Variants in CDH13 observed in about 807,000 individuals in gnomAD.
CDH13 encodes the protein cadherin 13.
Under a neutral mutation model 63.8 loss-of-function variants are expected in CDH13, and 24 were observed. The observed-to-expected ratio is 0.38, with a 90% CI of 0.27 to 0.53. CDH13 has a LOEUF of 0.53. Among genes scored for constraint, CDH13 ranks in the 20% least tolerant of loss-of-function variants. The pLI is 0.85. For missense variants in CDH13, 1,049 were observed against 903.1 expected, an observed-to-expected ratio of 1.16 and a Z score of -2.07; for synonymous variants, 503 against 355.3, an observed-to-expected ratio of 1.42 and a Z score of -4.67.
chr16:83,434,871 GTGTGTGTGTGTA>G (rs1284400507), intron 6 of CDH13, among the ~76,000 whole-genome samples: 8 of 73,966 alleles, frequency 1.1e-4, no homozygotes, highest in African/African-American at 3.5e-4. Context: ...GTGTGTGTGT[GTGTGTGTGTGTA>G]TGTGTATTTA....
At chr16:82,890,634 G>A (rs1485465815) in intron 2 of CDH13, among the ~76,000 whole-genome samples, 1 of 149,212 alleles carries the variant, frequency 6.7e-6, no homozygotes, top group East Asian at 2.0e-4. Context: ...ACTATAAATT[G>A]AGCATGAGAG....
chr16:82,771,375 A>G (rs2035256148), intron 1 of CDH13, among the ~76,000 whole-genome samples: 1 of 152,196 alleles, frequency 6.6e-6, no homozygotes, highest in African/African-American at 2.4e-5. Flanking sequence ...CTTAGAAAGG[A>G]TATATTAAAT....
At chr16:83,348,245 C>A (rs904239475) in intron 6 of CDH13, among the ~76,000 whole-genome samples, 3 of 152,134 alleles carry the variant, frequency 2.0e-5, no homozygotes, top group African/African-American at 7.2e-5. Flanking sequence ...CTCTTGTTTC[C>A]ATGTTTTACA....
chr16:83,306,814 G>C (rs1360538309), intron 5 of CDH13, among the ~76,000 whole-genome samples: 1 of 152,048 alleles, frequency 6.6e-6, no homozygotes, highest in Non-Finnish European at 1.5e-5. Flanking sequence ...TTTGAAGCTG[G>C]GAAGCACATG....
chr16:82,925,821 C>G (rs2042286654), intron 2 of CDH13: 1 of 152,214 alleles, frequency 6.6e-6, no homozygotes, highest in African/African-American at 2.4e-5. Flanking sequence ...GGCTCCAGGT[C>G]TCCTACCACC....
At chr16:82,876,793 C>T (rs999433953) in intron 2 of CDH13, among the ~76,000 whole-genome samples, 2 of 152,172 alleles carry the variant, frequency 1.3e-5, no homozygotes, top group African/African-American at 4.8e-5. Context: ...ATTCCCTAAA[C>T]TAGGGACTGT....
intron 11 of CDH13, among the ~76,000 whole-genome samples, chr16:83,779,123 A>G (rs909579678): frequency 3.9e-5 from 6 of 152,134 alleles, no homozygotes; most frequent in Non-Finnish European, 4.4e-5. Flanking sequence ...CAGAAGTCTT[A>G]AGGCCGGATG....
intron 2 of CDH13, among the ~76,000 whole-genome samples, chr16:82,970,245 A>G (rs927297475): frequency 6.6e-6 from 1 of 152,160 alleles, no homozygotes; most frequent in African/African-American, 2.4e-5. Flanking sequence ...GTGATCCTGC[A>G]AAAGACAGGA....
At chr16:82,713,964 AT>A (rs2032161134) in intron 1 of CDH13, among the ~76,000 whole-genome samples, 1 of 152,028 alleles carries the variant, frequency 6.6e-6, no homozygotes, top group African/African-American at 2.4e-5. Context: ...CTTTTTTGAG[AT>A]CAAGTTTCAC....
intron 4 of CDH13, among the ~76,000 whole-genome samples, chr16:83,153,070 C>T (rs1235195854): frequency 6.6e-6 from 1 of 152,068 alleles, no homozygotes; most frequent in African/African-American, 2.4e-5. Flanking sequence ...AGGGGAATTG[C>T]AATAGAGAAA....
intron 1 of CDH13, among the ~76,000 whole-genome samples, chr16:82,839,369 G>A (rs1050772096): frequency 1.3e-5 from 2 of 152,116 alleles, no homozygotes; most frequent in Non-Finnish European, 2.9e-5. Context: ...CTGTACTTTT[G>A]CTGGTTCCTG....
At chr16:83,742,649 G>C (rs1057034715) in intron 10 of CDH13, among the ~76,000 whole-genome samples, 1 of 152,226 alleles carries the variant, frequency 6.6e-6, no homozygotes, top group Non-Finnish European at 1.5e-5. Flanking sequence ...TTGGACAAAA[G>C]CGCACGGAAG....
chr16:83,192,363 A>G (rs1177474512), intron 4 of CDH13, among the ~76,000 whole-genome samples: 2 of 152,182 alleles, frequency 1.3e-5, no homozygotes, highest in Non-Finnish European at 2.9e-5. Context: ...TGCAGAATAA[A>G]GGGTCTTCTC....
Position 82,966,215 on chromosome 16 carries a change from C to T in CDH13, c.158-65795C>T, listed in dbSNP as rs566678027. 2.0e-5 allele frequency among the ~76,000 whole-genome samples: 3 copies of T among 152,300 alleles called. No individual in the cohort carries two copies. The South Asian group carries it at 6.2e-4, about 32-fold the overall frequency. ...CCAGGCTGGAGTGCAGTGGTGCGAT[C>T]TCGGCCCATGGCAACCTCCGCCTCC... On this transcript the variant is annotated intron_variant, in intron 2 of 13. Transcript: ENST00000567109.
chr16:83,088,290 C>T (rs1021123397), intron 3 of CDH13, among the ~76,000 whole-genome samples: 1 of 152,110 alleles, frequency 6.6e-6, no homozygotes. Context: ...TTCCCTGGTG[C>T]CTTATTAGGC....
At chr16:82,864,803 A>G (rs760680618) in intron 2 of CDH13, among the ~76,000 whole-genome samples, 6 of 152,184 alleles carry the variant, frequency 3.9e-5, no homozygotes, top group Non-Finnish European at 2.9e-5. Flanking sequence ...GTCTTAATTC[A>G]TTCTGGCATT....
At chr16:83,767,530 T>C (rs1914477551) in intron 11 of CDH13, among the ~76,000 whole-genome samples, 1 of 152,236 alleles carries the variant, frequency 6.6e-6, no homozygotes, top group African/African-American at 2.4e-5. Context: ...GGTATATCTT[T>C]ATTAGCAGTA....
chr16:83,457,663 C>T (rs978297874), intron 6 of CDH13, among the ~76,000 whole-genome samples: 1 of 151,960 alleles, frequency 6.6e-6, no homozygotes, highest in Non-Finnish European at 1.5e-5. Context: ...GAGTTCAGGG[C>T]TTGAGGCTGA....
chr16:82,967,665 C>T (rs567607554), intron 2 of CDH13, among the ~76,000 whole-genome samples: 1 of 152,276 alleles, frequency 6.6e-6, no homozygotes, highest in East Asian at 1.9e-4. Flanking sequence ...AGAGACCCCC[C>T]CAGCCTGCTT....
Sources: gnomAD v4.1 joint callset for allele counts (sites outside exome capture counted in the v4.1 genomes callset) on GRCh38, gnomAD v4.1.1 for gene constraint, MANE v1.5 for transcripts, NCBI Gene and HGNC (gene_info 2026-07-23, HGNC 2026-07-21) for gene names.